The following POU6F2 variants were observed in gnomAD, a reference collection of about 807,000 sequenced individuals.
POU6F2 encodes the protein POU domain, class 6, transcription factor 2.
POU6F2 carries 31 observed loss-of-function variants against 71.3 expected under a neutral mutation model. That is an observed-to-expected ratio of 0.43 (90% CI 0.33 to 0.59). The LOEUF (loss-of-function observed/expected upper bound fraction) is 0.59. Ranked by LOEUF, POU6F2 falls within the 20% of genes least tolerant of loss-of-function variation. POU6F2 has a pLI of 0.04. For missense variants in POU6F2, 783 were observed against 856.8 expected (o/e 0.91, Z 1.07); for synonymous variants, 347 against 355.7 (o/e 0.98, Z 0.27).
intron 2 of POU6F2, among the ~76,000 whole-genome samples, chr7:39,176,428 C>T (rs963164799): frequency 2.6e-5 from 4 of 152,146 alleles, no homozygotes; most frequent in Admixed American, 1.3e-4. Flanking sequence ...ACATTGCCTG[C>T]GTGGATGGTT....
intron 1 of POU6F2, among the ~76,000 whole-genome samples, chr7:39,067,691 AT>A (rs2128717392): frequency 6.6e-6 from 1 of 152,270 alleles, no homozygotes; most frequent in South Asian, 2.1e-4. Context: ...CAGTTATTAC[AT>A]TTTTATAATT....
chr7:39,210,877 G>A (rs1033273184), intron 4 of POU6F2, among the ~76,000 whole-genome samples: 1 of 152,164 alleles, frequency 6.6e-6, no homozygotes, highest in African/African-American at 2.4e-5. Context: ...GCCTTAGTCT[G>A]TTTGGGCTGC....
chr7:39,345,663 A>G (rs551255048), intron 5 of POU6F2, among the ~76,000 whole-genome samples: 1 of 152,340 alleles, frequency 6.6e-6, no homozygotes, highest in South Asian at 2.1e-4. Context: ...TATGTAGACA[A>G]CATTCTCTCA....
chr7:39,102,880 A>G (rs1396071553), intron 2 of POU6F2, among the ~76,000 whole-genome samples: 1 of 152,240 alleles, frequency 6.6e-6, no homozygotes, highest in Non-Finnish European at 1.5e-5. Flanking sequence ...CAAATACTGT[A>G]GCCAATTGTA....
chr7:39,175,693 G>T (rs934703964), intron 2 of POU6F2, among the ~76,000 whole-genome samples: 3 of 152,068 alleles, frequency 2.0e-5, no homozygotes, highest in Non-Finnish European at 2.9e-5. Context: ...GCCCACAAAG[G>T]CCAGTGTGCC....
chr7:39,100,595 T>C (rs1421412744), intron 2 of POU6F2, among the ~76,000 whole-genome samples: 4 of 152,242 alleles, frequency 2.6e-5, no homozygotes, highest in African/African-American at 7.2e-5. Context: ...TATTGTGATA[T>C]TGAAAAATAT....
At chr7:39,232,283 A>G (rs982802967) in intron 4 of POU6F2, among the ~76,000 whole-genome samples, 4 of 152,188 alleles carry the variant, frequency 2.6e-5, no homozygotes, top group African/African-American at 9.7e-5. Context: ...TTCCAAGCAC[A>G]AAGGACAAGT....
rs562752724 is a variant in POU6F2 at position 39,134,804 on chromosome 7, G to T, written c.277+48773G>T. ...GGCTAGTCTCTGTTCCGGAGATTCT[G>T]ATTTGATAGGTCCCAAATGAGTCCT... On this transcript the variant is annotated intron_variant, in intron 2 of 9. Coordinates refer to ENST00000518318, the MANE Select transcript of POU6F2 (RefSeq NM_001370959.1). Among the ~76,000 whole-genome samples, 275 of 152,284 alleles carry T rather than the reference G, an allele frequency of 1.8e-3. 1 individual carries two copies. Among genetic ancestry groups the T allele is most frequent in the African/African-American group, 5.9e-3 (247 of 41,540 alleles).
chr7:39,397,042 T>C (rs908829429), intron 5 of POU6F2, among the ~76,000 whole-genome samples: 6 of 152,126 alleles, frequency 3.9e-5, no homozygotes, highest in Non-Finnish European at 1.5e-5. Flanking sequence ...ATGCAATTTC[T>C]TGGTCCAAAA....
intron 1 of POU6F2, among the ~76,000 whole-genome samples, chr7:39,081,720 G>A (rs1475193369): frequency 6.6e-6 from 1 of 152,178 alleles, no homozygotes; most frequent in Non-Finnish European, 1.5e-5. Flanking sequence ...ACATTCTGTA[G>A]GGAAGATAAT....
intron 2 of POU6F2, among the ~76,000 whole-genome samples, chr7:39,090,525 C>G (rs1047088949): frequency 6.6e-6 from 1 of 152,056 alleles, no homozygotes; most frequent in Non-Finnish European, 1.5e-5. Context: ...TTTATTTAAA[C>G]GTCTCTCTCC....
chr7:38,992,332 T>A (rs1788627071), intron 1 of POU6F2, among the ~76,000 whole-genome samples: 1 of 152,172 alleles, frequency 6.6e-6, no homozygotes, highest in Non-Finnish European at 1.5e-5. Context: ...TTGAAAACAG[T>A]CATTTTCTAT....
At chr7:39,285,696 T>C (rs1334369883) in intron 4 of POU6F2, among the ~76,000 whole-genome samples, 1 of 152,156 alleles carries the variant, frequency 6.6e-6, no homozygotes, top group Admixed American at 6.6e-5. Context: ...CAATCAGCCA[T>C]AGAGGAAAGA....
chr7:39,464,614 C>T lies in POU6F2; in HGVS notation c.2091C>T (p.Arg697=), dbSNP rs1789026013. ...AAGCCCTGAAGAACACAATTAAACG[C>T]TTAAAACAGCACGAGCCGGCCACGG... ...KRQALKNTIK[R]LKQHEPATAV... The change falls in exon 10 of 10, where the codon CGC becomes CGT. Residue 697 remains arginine (R), a synonymous_variant. Transcript: ENST00000518318. This position sits in a 1 kb window ranked among gnomAD's most constrained non-coding sequence, Gnocchi z 4.1. 2 of 1,610,280 alleles carry T rather than the reference C, an allele frequency of 1.2e-6. No homozygotes were observed. The highest frequency in any genetic ancestry group is 1.7e-6 in the Non-Finnish European group (2 of 1,178,328).
chr7:39,020,417 A>G (rs1364995005), intron 1 of POU6F2, among the ~76,000 whole-genome samples: 1 of 152,142 alleles, frequency 6.6e-6, no homozygotes, highest in Non-Finnish European at 1.5e-5. Context: ...GTTCATGCAG[A>G]AGTATTTATT....
At chr7:39,131,070 AT>A (rs1285753258) in intron 2 of POU6F2, among the ~76,000 whole-genome samples, 1 of 152,212 alleles carries the variant, frequency 6.6e-6, no homozygotes. Flanking sequence ...TAGCATTTAC[AT>A]GTATTGATTA....
At chr7:39,312,941 T>C (rs562814370) in intron 4 of POU6F2, among the ~76,000 whole-genome samples, 3 of 152,280 alleles carry the variant, frequency 2.0e-5, no homozygotes, top group Admixed American at 6.5e-5. Context: ...TCTGGAATTT[T>C]CCATTTAATA....
intron 2 of POU6F2, among the ~76,000 whole-genome samples, chr7:39,123,623 C>G (rs750841599): frequency 5.3e-5 from 8 of 152,250 alleles, no homozygotes; most frequent in Admixed American, 2.0e-4. Flanking sequence ...ATGGCTTGGC[C>G]AGGATTTAAA....
chr7:39,347,419 C>T (rs994896936), intron 5 of POU6F2, among the ~76,000 whole-genome samples: 1 of 151,908 alleles, frequency 6.6e-6, no homozygotes, highest in Non-Finnish European at 1.5e-5. Context: ...CAGAGAGGTA[C>T]GGGGCATTTC....
Sources: gnomAD v4.1 joint callset for allele counts (sites outside exome capture counted in the v4.1 genomes callset) on GRCh38, gnomAD v4.1.1 for gene constraint, Gnocchi (gnomAD v3.1) non-coding constraint, MANE v1.5 for transcripts, NCBI Gene and HGNC (gene_info 2026-07-23, HGNC 2026-07-21) for gene names.